Variants in POU2F3 observed in about 807,000 individuals in gnomAD.
POU2F3 encodes the protein POU domain, class 2, transcription factor 3.
A neutral mutation model predicts 59.2 loss-of-function variants in POU2F3; 23 were observed. The ratio of observed to expected loss-of-function variants is 0.39; its 90% CI spans 0.28 to 0.55. POU2F3 has a LOEUF of 0.55. Among genes scored for constraint, POU2F3 ranks in the 20% least tolerant of loss-of-function variants. The pLI is 0.66. For synonymous variants in POU2F3, 190 were observed against 214.6 expected (o/e 0.89, Z 1.00); for missense variants, 473 against 544.5 (o/e 0.87, Z 1.31).
chr11:120,258,171 C>T (rs920049928), intron 2 of POU2F3, among the ~76,000 whole-genome samples: 1 of 152,184 alleles, frequency 6.6e-6, no homozygotes, highest in Non-Finnish European at 1.5e-5. Flanking sequence ...GAATCTTGCA[C>T]CTCTGGTAGC....
upstream of POU2F3, chr11:120,236,674 A>G (rs774113974): frequency 2.6e-5 from 39 of 1,504,098 alleles, no homozygotes; most frequent in African/African-American, 1.2e-4. Flanking sequence ...AACCGGTTTC[A>G]TGGAGTCTCC....
chr11:120,303,929 C>G (rs1331037496), intron 6 of POU2F3: 1 of 152,228 alleles, frequency 6.6e-6, no homozygotes, highest in Non-Finnish European at 1.5e-5. Context: ...AGATTCCACT[C>G]TATCCTTGTG....
chr11:120,317,195 T>C (rs780405713), intron 11 of POU2F3, 34 bp from the exon 12 acceptor site: 2 of 1,612,596 alleles, frequency 1.2e-6, no homozygotes, highest in African/African-American at 1.3e-5. Context: ...AGCAGCATTA[T>C]TTCCCCCTTG....
chr11:120,307,983 T>C (rs1941546792), intron 9 of POU2F3, among the ~76,000 whole-genome samples: 1 of 152,236 alleles, frequency 6.6e-6, no homozygotes, highest in Admixed American at 6.5e-5. Flanking sequence ...CTCTATTTTC[T>C]ATGCAGTACA....
intron 10 of POU2F3, among the ~76,000 whole-genome samples, 177 bp from the exon 11 acceptor site, chr11:120,315,184 C>A (rs987089845): frequency 6.6e-6 from 1 of 152,208 alleles, no homozygotes; most frequent in Non-Finnish European, 1.5e-5. Flanking sequence ...GTTCTGGATG[C>A]CAGTATGTGG....
chr11:120,279,895 G>A (rs951091913), intron 3 of POU2F3, among the ~76,000 whole-genome samples: 2 of 152,216 alleles, frequency 1.3e-5, no homozygotes, highest in African/African-American at 4.8e-5. Context: ...GCTGATTCCG[G>A]CTCCAGCACT....
chr11:120,295,382 A>T (rs1388107278), intron 3 of POU2F3, among the ~76,000 whole-genome samples: 4 of 152,150 alleles, frequency 2.6e-5, no homozygotes, highest in Admixed American at 2.0e-4. Flanking sequence ...TACCAGCATG[A>T]TTTTACCTCC....
intron 2 of POU2F3, among the ~76,000 whole-genome samples, chr11:120,262,970 T>A (rs181268114): frequency 0.031 from 3,360 of 107,450 alleles, 131 homozygotes; most frequent in African/African-American, 0.14. Context: ...TTAATTTATT[T>A]ATTTATTTAT....
At chr11:120,306,424 T>C (rs1941490588) in intron 8 of POU2F3, among the ~76,000 whole-genome samples, 1 of 152,132 alleles carries the variant, frequency 6.6e-6, no homozygotes, top group Non-Finnish European at 1.5e-5. Flanking sequence ...CTTCTCAACC[T>C]TGGCACTATA....
chr11:120,298,119 A>G (rs1941241724), intron 3 of POU2F3, 146 bp from the exon 4 acceptor site: 3 of 1,046,704 alleles, frequency 2.9e-6, no homozygotes, highest in Non-Finnish European at 4.1e-6. Context: ...AGGCAGGAAA[A>G]GTAAGCTGCA....
rs1004409061 is a variant in POU2F3 at position 120,305,030 on chromosome 11, G to T, written c.445G>T (p.Ala149Ser). The T allele has an allele frequency of 6.2e-7, 1 of 1,600,466 alleles. No homozygotes were observed. The highest frequency in any genetic ancestry group is 8.5e-7 in the Non-Finnish European group (1 of 1,173,114). Residue 149 changes from alanine to serine, a missense_variant and splice_region_variant, in exon 7 of 13, where the codon GCA becomes TCA. Physicochemically the swap from Ala to Ser is moderately conservative, Grantham distance 99. Transcript: ENST00000543440. ...ATCTGCTTGGCGTGTTTCCTATCAG[G>T]CATTTGGGCACCCTGGGCTGCCAGG... Reference protein sequence around the residue: ...PQTGPGLASQAFGHPGLPGSS... With the variant: ...PQTGPGLASQSFGHPGLPGSS...
intron 10 of POU2F3, among the ~76,000 whole-genome samples, chr11:120,311,268 T>G (rs1941642697): frequency 6.6e-6 from 1 of 152,326 alleles, no homozygotes; most frequent in Admixed American, 6.5e-5. Context: ...TAATTTTCTC[T>G]TTTTTGAATG....
chr11:120,302,984 G>C (rs1338727706), intron 6 of POU2F3: 1 of 152,428 alleles, frequency 6.6e-6, no homozygotes, highest in Non-Finnish European at 1.5e-5. Context: ...ATTGGCGACA[G>C]CAGCATGAGC....
intron 2 of POU2F3, among the ~76,000 whole-genome samples, chr11:120,249,018 T>C (rs573021270): frequency 7.2e-5 from 11 of 152,166 alleles, no homozygotes; most frequent in African/African-American, 2.6e-4. Context: ...CCCCAAGGGG[T>C]ACTGGGGGGT....
chr11:120,286,012 A>G (rs1396930754), intron 3 of POU2F3, among the ~76,000 whole-genome samples: 3 of 151,680 alleles, frequency 2.0e-5, no homozygotes, highest in African/African-American at 7.3e-5. Flanking sequence ...CCTCCCCAGT[A>G]GCTGGGATCA....
chr11:120,306,524 G>A, intron 8 of POU2F3, among the ~76,000 whole-genome samples: 1 of 152,164 alleles, frequency 6.6e-6, no homozygotes, highest in Non-Finnish European at 1.5e-5. Context: ...CCTACTAGTT[G>A]CCAGTAGCAT....
At chr11:120,311,858 C>G (rs1367248428) in intron 10 of POU2F3, among the ~76,000 whole-genome samples, 1 of 151,958 alleles carries the variant, frequency 6.6e-6, no homozygotes, top group African/African-American at 2.4e-5. Context: ...GCAAGATGGG[C>G]AAAGGAAGAG....
intron 3 of POU2F3, among the ~76,000 whole-genome samples, chr11:120,293,103 T>A (rs1941079540): frequency 6.6e-6 from 1 of 152,182 alleles, no homozygotes; most frequent in South Asian, 2.1e-4. Context: ...GAGCCATATG[T>A]CTCCTCTCTT....
At chr11:120,255,120 C>T (rs925739277) in intron 2 of POU2F3, 4 of 152,338 alleles carry the variant, frequency 2.6e-5, no homozygotes, top group African/African-American at 7.2e-5. Context: ...GTGGTCTCCC[C>T]CAGACTCCCA....
Sources: gnomAD v4.1 joint callset for allele counts (sites outside exome capture counted in the v4.1 genomes callset) on GRCh38, gnomAD v4.1.1 for gene constraint, MANE v1.5 for transcripts, NCBI Gene and HGNC (gene_info 2026-07-23, HGNC 2026-07-21) for gene names.